MAP1A: variants seen among roughly 807,000 people sequenced by gnomAD.
MAP1A encodes microtubule-associated protein 1A.
MAP1A carries 42 observed loss-of-function variants against 185.9 expected under a neutral mutation model. The ratio of observed to expected loss-of-function variants is 0.23; its 90% confidence interval spans 0.18 to 0.29. The LOEUF (loss-of-function observed/expected upper bound fraction) is 0.29, where lower values mean the gene tolerates loss of function less well. MAP1A is among the 10% of genes least tolerant of loss of function. MAP1A has a pLI of 1.00. For synonymous variants in MAP1A, 1,229 were observed against 1,335.9 expected (o/e 0.92, Z 1.74); for missense variants, 2,995 against 3,450.4 (o/e 0.87, Z 3.31).
At chr15:43,520,473 G>A (rs186863269) in intron 1 of MAP1A, among the ~76,000 whole-genome samples, 168 bp from the exon 2 acceptor site, 1 of 152,280 alleles carries the variant, frequency 6.6e-6, no homozygotes, top group Non-Finnish European at 1.5e-5. Flanking sequence ...TAAGGGAAGG[G>A]CTGGATGAGC....
rs1382846430 is a variant in MAP1A, at chr15:43,528,220, A to C, written c.6747A>C (p.Arg2249=). 2 of 1,613,836 alleles carry C rather than the reference A, an allele frequency of 1.2e-6. No homozygotes were observed. The highest frequency in any genetic ancestry group is 8.5e-7 in the Non-Finnish European group (1 of 1,179,964). Residue 2249 remains arginine, a synonymous_variant, in exon 4 of 6, where the codon CGA becomes CGC. Coordinates refer to ENST00000300231, the MANE Select transcript of MAP1A (RefSeq NM_002373.6). The part of the protein sequence containing the change: ...PGAPLLSNLP[R]PASPALSEGS... ...CCCCTCTCCTCTCCAATCTGCCACG[A>C]CCTGCCTCACCAGCCCTGTCTGAGG...
At position 43,528,249 on chromosome 15, in the gene MAP1A, C is replaced by T. The variant is rs772355329; in HGVS notation, c.6776C>T (p.Ser2259Phe). The T allele has an allele frequency of 5.6e-6, 9 of 1,614,090 alleles. No individual in the cohort carries two copies. In the South Asian group the frequency reaches 7.7e-5, roughly 14 times the overall value. The change falls in exon 4 of 6, where the codon TCC becomes TTC. Residue 2259 changes from serine to phenylalanine, a missense_variant. Coordinates refer to ENST00000300231, the MANE Select transcript of MAP1A (RefSeq NM_002373.6). ...RPASPALSEG[S>F]SSEATTPVIS... ...GCCTCACCAGCCCTGTCTGAGGGCT[C>T]CTCCTCTGAGGCTACCACGCCTGTG...
In MAP1A at chr15:43,527,834, G is replaced by C. The variant is rs1342453335; in HGVS notation, c.6361G>C (p.Glu2121Gln). ...EKGAREQPEKEAQSPSPPHPI... is the reference protein window; with the variant it reads ...EKGAREQPEKQAQSPSPPHPI... ...GGGGGCTCGGGAACAGCCAGAAAAA[G>C]AGGCCCAATCCCCAAGTCCTCCTCA... is the stretch of plus-strand genomic sequence containing the variant. Residue 2121 changes from glutamate to glutamine, a missense_variant, in exon 4 of 6, where the codon GAG (glutamate) becomes CAG (glutamine). Coordinates refer to ENST00000300231, the MANE Select transcript of MAP1A (RefSeq NM_002373.6). 1.2e-5 allele frequency: 19 copies of C among 1,613,970 alleles called. No homozygotes were observed. Among genetic ancestry groups the C allele is most frequent in the Non-Finnish European group, 1.6e-5 (19 of 1,179,920 alleles).
intron 1 of MAP1A, chr15:43,511,251 T>G: frequency 6.6e-7 from 1 of 1,525,994 alleles, no homozygotes; most frequent in Non-Finnish European, 8.9e-7. Flanking sequence ...TGGCTGTGCT[T>G]CAGGCATCTC....
chr15:43,513,792 A>G (rs114536846), upstream of MAP1A, among the ~76,000 whole-genome samples: 1,525 of 152,336 alleles, frequency 0.01, 30 homozygotes, highest in African/African-American at 0.035. Context: ...TTTATCCCTA[A>G]TGATGAAAAT....
At chr15:43,520,892 T>A (rs1595646519) in intron 2 of MAP1A, 80 bp from the exon 3 acceptor site, 5 of 1,422,886 alleles carry the variant, frequency 3.5e-6, no homozygotes, top group Non-Finnish European at 2.9e-6. Flanking sequence ...TGGGAGCATG[T>A]TCTTGAGGTA....
rs985443602 is a variant in MAP1A at position 43,517,675 on chromosome 15, T to C, written c.-400T>C. The stretch of plus-strand genomic sequence containing the variant: ...GCTGAGGCCGGAGCTGCCGCCTCCA[T>C]GAGAGGCTTCCTCCTACACCCCAGG... On this transcript the variant is annotated 5_prime_UTR_variant, in exon 1 of 6. The change abolishes an upstream ATG in the 5' untranslated region. Transcript: ENST00000300231. The C allele has an allele frequency of 1.0e-6, 1 of 970,072 alleles. No individual in the cohort carries two copies. Among genetic ancestry groups the C allele is most frequent in the Middle Eastern group, 5.4e-4 (1 of 1,838 alleles). The allele number at this position is 970,072 out of a possible 1,614,324, so 60.1% of individuals were successfully genotyped here. A position where few individuals can be genotyped will look rare whatever the true frequency, so the allele number is the denominator to read the frequency against.
At position 43,522,706 on chromosome 15, in the gene MAP1A, G is replaced by A; in HGVS notation, c.1233G>A (p.Lys411=). The part of the protein sequence containing the change: ...GKKHLKEKIS[K]LEEKKDKEKK... Reference sequence around the variant, plus strand: ...AGCACCTTAAAGAAAAGATATCAAAGCTGGAAGAAAAAAAAGACAAGGAGA... The same window carrying A: ...AGCACCTTAAAGAAAAGATATCAAAACTGGAAGAAAAAAAAGACAAGGAGA... The change falls in exon 4 of 6, where the codon AAG becomes AAA. Residue 411 remains lysine (K), a synonymous_variant. Transcript: ENST00000300231. The surrounding 1 kb of genome is among the most constrained non-coding windows in gnomAD (Gnocchi z 5.9). 6.2e-7 allele frequency: 1 copy of A among 1,601,512 alleles called. No homozygotes were observed.
rs1235770966 is a variant in MAP1A at position 43,523,357 on chromosome 15, G to A, written c.1884G>A (p.Gln628=). ...AAGATACCTGGGAGGAAAAGAAGCA[G>A]AGGGAAGCAGAGAGGCTCCCAGACA... is the stretch of plus-strand genomic sequence containing the variant. ...EEKDTWEEKK[Q]REAERLPDRT... is the part of the protein sequence containing the mutation. The change falls in exon 4 of 6, where the codon CAG becomes CAA. Residue 628 remains glutamine (Q), a synonymous_variant. Transcript: ENST00000300231. 1 of 1,610,650 alleles carries A rather than the reference G, an allele frequency of 6.2e-7. No homozygotes were observed. Among genetic ancestry groups the A allele is most frequent in the Admixed American group, 1.7e-5 (1 of 59,372 alleles).
In MAP1A at chr15:43,523,859, G is replaced by A. The variant is rs1440907257; in HGVS notation, c.2386G>A (p.Ala796Thr). 9.9e-6 allele frequency: 16 copies of A among 1,614,160 alleles called. No individual in the cohort carries two copies. Among genetic ancestry groups the A allele is most frequent in the East Asian group, 2.2e-5 (1 of 44,890 alleles). The part of the protein sequence containing the change: ...ASQPADSAVP[A>T]TSGKVYGTPE... ...CCAACCTGCCGATAGTGCTGTTCCT[G>A]CTACCTCTGGCAAAGTCTATGGAAC... is the stretch of plus-strand genomic sequence containing the variant. The change falls in exon 4 of 6, where the codon GCT (alanine) becomes ACT (threonine). Residue 796 changes from alanine to threonine, a missense_variant. By Grantham distance (58) the Ala-to-Thr change is moderately conservative. This residue lies in a region of MAP1A where 2,728 missense variants were observed against 2,986.0 expected (regional missense o/e 0.91). Transcript: ENST00000300231.
chr15:43,511,082 C>T lies in MAP1A; in HGVS notation c.94C>T (p.Gln32Ter), dbSNP rs907854483. 10 of 1,549,964 alleles carry T rather than the reference C, an allele frequency of 6.5e-6. No individual in the cohort carries two copies. Among genetic ancestry groups the T allele is most frequent in the Non-Finnish European group, 8.7e-6 (10 of 1,146,782 alleles). The change falls in exon 1 of 7, where the codon CAG becomes TAG. Residue 32 changes from glutamine (Q) to a stop codon, truncating the protein, a stop_gained. Coordinates refer to the MAP1A transcript ENST00000382031. LOFTEE classifies it high-confidence loss of function. ...CCGAAGTCCCGGCGCACCGCTGGCT[C>T]AGAACCCCGCGGAGCTGCTGTGCGA...
At chr15:43,513,414 T>G (rs972122089), upstream of MAP1A, among the ~76,000 whole-genome samples, 1 of 152,090 alleles carries the variant, frequency 6.6e-6, no homozygotes, top group Non-Finnish European at 1.5e-5. Flanking sequence ...CTTAGTGGAA[T>G]ATAAAATCCA....
Position 43,526,846 on chromosome 15 carries a change from T to C in MAP1A, c.5373T>C (p.Ser1791=). ...PPEEEDKLTR[S]PFEIISPPAS... is the part of the protein sequence containing the mutation. ...AGGAAGAGGACAAACTGACCCGCTC[T>C]CCCTTTGAGATCATCTCCCCTCCAG... The change falls in exon 4 of 6, where the codon TCT becomes TCC. Residue 1791 remains serine, a synonymous_variant. Coordinates refer to ENST00000300231, the MANE Select transcript of MAP1A (RefSeq NM_002373.6). This position sits in a 1 kb window ranked among gnomAD's most constrained non-coding sequence, Gnocchi z 4.7. 6.2e-7 allele frequency: 1 copy of C among 1,614,118 alleles called. No homozygotes were observed. Among genetic ancestry groups the C allele is most frequent in the Non-Finnish European group, 8.5e-7 (1 of 1,180,012 alleles).
At chr15:43,512,171 C>T in intron 1 of MAP1A, 1 of 1,456,424 alleles carries the variant, frequency 6.9e-7, no homozygotes, top group Non-Finnish European at 9.4e-7. Context: ...CCAGAACCTT[C>T]TTTGTTTTTC....
At chr15:43,519,085 C>G (rs2079309984) in intron 1 of MAP1A, among the ~76,000 whole-genome samples, 1 of 152,110 alleles carries the variant, frequency 6.6e-6, no homozygotes, top group African/African-American at 2.4e-5. Flanking sequence ...AATTTATGAC[C>G]TTATTTGTGT....
At chr15:43,518,338 A>G (rs1346419350) in intron 1 of MAP1A, among the ~76,000 whole-genome samples, 2 of 151,160 alleles carry the variant, frequency 1.3e-5, no homozygotes, top group African/African-American at 4.9e-5. Flanking sequence ...TGCCGAGGCC[A>G]CTCTGGAGAC....
Position 43,529,988 on chromosome 15 carries a change from C to T in MAP1A, c.8257-81C>T. On this transcript the variant is annotated intron_variant, in intron 5 of 5. Transcript: ENST00000300231. The surrounding 1 kb of genome is among the most constrained non-coding windows in gnomAD (Gnocchi z 4.3). The stretch of plus-strand genomic sequence containing the variant: ...TTTTCTAAGGGCAGCAGAGCTGCTT[C>T]TGAGACCATGAGGTGCCCCTTCCCC... The T allele has an allele frequency of 1.3e-6, 2 of 1,563,456 alleles. No individual in the cohort carries two copies. Among genetic ancestry groups the T allele is most frequent in the Non-Finnish European group, 8.8e-7 (1 of 1,138,738 alleles).
chr15:43,529,792 C>G lies in MAP1A; in HGVS notation c.8178C>G (p.Asp2726Glu), dbSNP rs1186496493. The G allele has an allele frequency of 6.2e-7, 1 of 1,614,044 alleles. No individual in the cohort carries two copies. The highest frequency in any genetic ancestry group is 8.5e-7 in the Non-Finnish European group (1 of 1,180,046). ...RASYYVVSGN[D>E]PANGEPSRAV... Reference sequence around the variant, plus strand: ...CCTACTATGTGGTCAGTGGGAATGACCCTGCCAATGGCGAGCCAAGCCGGG... The same window carrying G: ...CCTACTATGTGGTCAGTGGGAATGAGCCTGCCAATGGCGAGCCAAGCCGGG... The change falls in exon 5 of 6, where the codon GAC becomes GAG. Residue 2726 changes from aspartate (D) to glutamate (E), a missense_variant. Asp to Glu is a conservative substitution (Grantham distance 45, BLOSUM62 2). Coordinates refer to ENST00000300231, the MANE Select transcript of MAP1A (RefSeq NM_002373.6). This position sits in a 1 kb window ranked among gnomAD's most constrained non-coding sequence, Gnocchi z 4.3.
Position 43,527,656 on chromosome 15 carries a change from A to G in MAP1A, c.6183A>G (p.Ala2061=). The G allele has an allele frequency of 6.2e-7, 1 of 1,610,576 alleles. No individual in the cohort carries two copies. The highest frequency in any genetic ancestry group is 8.5e-7 in the Non-Finnish European group (1 of 1,178,956). ...TGGAGCCCAGCCTCACCCCACCTGC[A>G]GTTCCCCCCCGTGCTCCTATCCTGA... ...PSMEPSLTPP[A]VPPRAPILSK... Residue 2061 remains alanine, a synonymous_variant, in exon 4 of 6, where the codon GCA becomes GCG. Coordinates refer to ENST00000300231, the MANE Select transcript of MAP1A (RefSeq NM_002373.6).
Sources: allele counts gnomAD v4.1 joint callset (sites outside exome capture counted in the v4.1 genomes callset), GRCh38; gene constraint gnomAD v4.1.1; regional missense constraint gnomAD v4.1.1; non-coding constraint Gnocchi (gnomAD v3.1); transcripts MANE v1.5; gene names NCBI Gene and HGNC (gene_info 2026-07-23, HGNC 2026-07-21).